Variants in SFXN3 observed in about 807,000 individuals in gnomAD.
SFXN3 encodes sideroflexin-3.
Under a neutral mutation model 40.4 loss-of-function variants are expected in SFXN3, and 31 were observed. That is an observed-to-expected ratio of 0.77 (90% confidence interval 0.58 to 1.04). The LOEUF (loss-of-function observed/expected upper bound fraction) is 1.04. Among genes scored for constraint, SFXN3 ranks in the 50% least tolerant of loss-of-function variants. The probability of loss-of-function intolerance (pLI) is 0.00; values close to 1 mark genes in which losing one functional copy is unlikely to be tolerated. For missense variants in SFXN3, 366 were observed against 408.2 expected, an observed-to-expected ratio of 0.90 and a Z score of 0.89; for synonymous variants, 157 against 160.0, an observed-to-expected ratio of 0.98 and a Z score of 0.14.
Position 101,039,685 on chromosome 10 carries a change from G to T in SFXN3, c.*100G>T. The T allele has an allele frequency of 2.6e-6, 3 of 1,138,322 alleles. No individual in the cohort carries two copies. 70.5% of individuals were successfully genotyped at this position (1,138,322 alleles called of 1,614,324 possible). A position where few individuals can be genotyped will look rare whatever the true frequency, so the allele number is the denominator to read the frequency against. On this transcript the variant is annotated 3_prime_UTR_variant, in exon 12 of 12. Coordinates refer to ENST00000393459, the Ensembl canonical transcript of SFXN3. The surrounding 1 kb of genome is among the most constrained non-coding windows in gnomAD (Gnocchi z 4.6). The stretch of plus-strand genomic sequence containing the variant: ...TGGCTATCTGCCTAGCACTGGGCAG[G>T]GGCCTTGGTGGGCAGATGGCAATTG...
chr10:101,035,842 A>T, intron 4 of SFXN3, 161 bp from the exon 5 acceptor site: 1 of 1,119,440 alleles, frequency 8.9e-7, no homozygotes, highest in South Asian at 1.4e-5. Flanking sequence ...GTGTGTTTGT[A>T]TAAATGGGGG....
intron 2 of SFXN3, 59 bp downstream of exon 2, chr10:101,032,541 C>T: frequency 6.7e-7 from 1 of 1,483,884 alleles, no homozygotes; most frequent in African/African-American, 1.4e-5. Context: ...AGAAGGAGGC[C>T]TGCCTTGAAA....
At chr10:101,032,251 TA>T (rs1938284462) in intron 1 of SFXN3, 62 bp from the exon 2 acceptor site, 1 of 509,008 alleles carries the variant, frequency 2.0e-6, no homozygotes, top group Admixed American at 4.1e-5. Flanking sequence ...GGAAGCAGCT[TA>T]GGGCCTGGTC....
In SFXN3 at chr10:101,036,161, G is replaced by A. The variant is rs765253903; in HGVS notation, c.431+60G>A. On this transcript the variant is annotated intron_variant, in intron 5 of 11. Transcript: ENST00000393459. This position sits in a 1 kb window ranked among gnomAD's most constrained non-coding sequence, Gnocchi z 4.2. ...CCATCTGACCCTCTCCTCCCAGCCTGCAGTGCCCTCTCCTTTCTCTCCGGT... is the reference window on the plus strand; with the variant it reads ...CCATCTGACCCTCTCCTCCCAGCCTACAGTGCCCTCTCCTTTCTCTCCGGT... 78 of 1,377,620 alleles carry A rather than the reference G, an allele frequency of 5.7e-5. No individual in the cohort carries two copies. The highest frequency in any genetic ancestry group is 7.9e-5 in the Non-Finnish European group (76 of 968,014). 85.3% of individuals were successfully genotyped at this position (1,377,620 alleles called of 1,614,324 possible).
At chr10:101,037,880 G>A in intron 9 of SFXN3, 2 of 1,041,578 alleles carry the variant, frequency 1.9e-6, no homozygotes, top group Non-Finnish European at 2.3e-6. Flanking sequence ...CCATGCACCA[G>A]GCATGTTTTA....
chr10:101,035,623 G>C, exon 4 of SFXN3: 1 of 1,614,012 alleles, frequency 6.2e-7, no homozygotes, highest in Non-Finnish European at 8.5e-7. Context: ...CAGCCCAGGT[G>C]CCCATGAACA....
chr10:101,038,136 C>G (rs1055433161), intron 9 of SFXN3: 1 of 367,514 alleles, frequency 2.7e-6, no homozygotes, highest in African/African-American at 2.2e-5. Context: ...CCAAATAACG[C>G]AGAGAAGAGT....
rs1373906441 is a variant in SFXN3, at chr10:101,039,260, T to TTGGACTCTGCATCTCTGGAC, written c.869+39_869+58dup. 1.9e-6 allele frequency: 3 copies of TTGGACTCTGCATCTCTGGAC among 1,567,814 alleles called. No homozygotes were observed. The Admixed American group carries it at 5.3e-5, about 28-fold the overall frequency. On this transcript the variant is annotated intron_variant, in intron 11 of 11. Coordinates refer to ENST00000393459, the Ensembl canonical transcript of SFXN3. The surrounding 1 kb of genome is among the most constrained non-coding windows in gnomAD (Gnocchi z 4.6). ...CCTGGGCTGGGTGGGGGACTCTGGA[T>TTGGACTCTGCATCTCTGGAC]TGGACTCTGCATCTCTGGACCAGCT...
rs367973669 is a variant in SFXN3 at position 101,037,058 on chromosome 10, A to G, written c.594-18A>G. The G allele has an allele frequency of 1.2e-6, 2 of 1,612,890 alleles. No individual in the cohort carries two copies. Among genetic ancestry groups the G allele is most frequent in the African/African-American group, 2.7e-5 (2 of 74,814 alleles). ...GATCCGGGGCCTGTGATCTGACCCC[A>G]ACCCCCCTCCCTTGCAGAGAGCTGC... is the stretch of plus-strand genomic sequence containing the variant. On this transcript the variant is annotated intron_variant, in intron 7 of 11. Transcript: ENST00000393459.
chr10:101,039,670 C>A lies in SFXN3; in HGVS notation c.*85C>A. Reference sequence around the variant, plus strand: ...GTCACCCCTACCACTTGGCTATCTGCCTAGCACTGGGCAGGGGCCTTGGTG... The same window carrying A: ...GTCACCCCTACCACTTGGCTATCTGACTAGCACTGGGCAGGGGCCTTGGTG... On this transcript the variant is annotated 3_prime_UTR_variant, in exon 12 of 12. Transcript: ENST00000393459. This position sits in a 1 kb window ranked among gnomAD's most constrained non-coding sequence, Gnocchi z 4.6. 2 of 1,353,068 alleles carry A rather than the reference C, an allele frequency of 1.5e-6. No homozygotes were observed. Among genetic ancestry groups the A allele is most frequent in the Non-Finnish European group, 2.1e-6 (2 of 945,176 alleles). 83.8% of individuals were successfully genotyped at this position (1,353,068 alleles called of 1,614,324 possible). A position where few individuals can be genotyped will look rare whatever the true frequency, so the allele number is the denominator to read the frequency against.
At chr10:101,038,374 A>C in intron 9 of SFXN3, 6 of 1,375,764 alleles carry the variant, frequency 4.4e-6, no homozygotes, top group Non-Finnish European at 5.6e-6. Flanking sequence ...GAGGGAAGAA[A>C]AAAAAGGGCC....
At position 101,039,505 on chromosome 10, in the gene SFXN3, A is replaced by G. The variant is rs145573986; in HGVS notation, c.886A>G (p.Asn296Asp). The G allele has an allele frequency of 6.2e-7, 1 of 1,614,122 alleles. No individual in the cohort carries two copies. Residue 296 changes from asparagine to aspartate, a missense_variant, in exon 12 of 12, where the codon AAC becomes GAC. Transcript: ENST00000393459. This position sits in a 1 kb window ranked among gnomAD's most constrained non-coding sequence, Gnocchi z 4.6. ...CTATTGCAGCTCCATACACATAAGC[A>G]ACCTGGAACCAGAGCTGAGAGCTCA... is the stretch of plus-strand genomic sequence containing the variant.
chr10:101,034,172 C>T (rs1938468370), intron 2 of SFXN3, among the ~76,000 whole-genome samples: 1 of 152,108 alleles, frequency 6.6e-6, no homozygotes, highest in South Asian at 2.1e-4. Context: ...ATATTTCAGA[C>T]TATGCATGGG....
At position 101,039,077 on chromosome 10, in the gene SFXN3, C is replaced by T. The variant is rs755726268; in HGVS notation, c.822-98C>T. ...GGTCCTTTCAGCTTTTATCAATCTC[C>T]ACCCCTAGGGCCTATCTCCAAGGAT... On this transcript the variant is annotated intron_variant, in intron 10 of 11. Coordinates refer to ENST00000393459, the Ensembl canonical transcript of SFXN3. The surrounding 1 kb of genome is among the most constrained non-coding windows in gnomAD (Gnocchi z 4.6). 4.8e-6 allele frequency: 5 copies of T among 1,046,700 alleles called. No individual in the cohort carries two copies. Among genetic ancestry groups the T allele is most frequent in the Non-Finnish European group, 7.3e-6 (5 of 686,586 alleles). 64.8% of individuals were successfully genotyped at this position (1,046,700 alleles called of 1,614,324 possible).
chr10:101,035,915 T>G, intron 4 of SFXN3, 88 bp from the exon 5 acceptor site: 2 of 1,335,578 alleles, frequency 1.5e-6, no homozygotes, highest in Non-Finnish European at 2.2e-6. Flanking sequence ...CTTCTTAGGC[T>G]TGGGGAATAA....
chr10:101,037,324 G>A (rs2134208184), intron 8 of SFXN3, 58 bp from the exon 9 acceptor site: 1 of 1,614,132 alleles, frequency 6.2e-7, no homozygotes, highest in South Asian at 1.1e-5. Flanking sequence ...ACCCTTCACA[G>A]TTCCTGACTT....
chr10:101,031,341 G>T (rs1268867605), exon 1 of SFXN3: 1 of 152,278 alleles, frequency 6.6e-6, no homozygotes, highest in Non-Finnish European at 1.5e-5. Context: ...AGCTCATTCC[G>T]CAAATTTAGG....
Position 101,036,552 on chromosome 10 carries a change from C to T in SFXN3, c.498C>T (p.Ser166=), listed in dbSNP as rs1938613175. The change falls in exon 6 of 12, where the codon TCC becomes TCT. Residue 166 remains serine, a synonymous_variant. Coordinates refer to ENST00000393459, the Ensembl canonical transcript of SFXN3. The surrounding 1 kb of genome is among the most constrained non-coding windows in gnomAD (Gnocchi z 4.2). Reference sequence around the variant, plus strand: ...TGGCCACGGCCCTGGGACTCAAATCCCTCACCAAGGTAAAGGCCCCTCACT... The same window carrying T: ...TGGCCACGGCCCTGGGACTCAAATCTCTCACCAAGGTAAAGGCCCCTCACT... 1.9e-6 allele frequency: 3 copies of T among 1,613,996 alleles called. No homozygotes were observed. The highest frequency in any genetic ancestry group is 2.5e-6 in the Non-Finnish European group (3 of 1,180,002).
In SFXN3 at chr10:101,036,732, C is replaced by G. The variant is rs1938626214; in HGVS notation, c.517C>G (p.Pro173Ala). Residue 173 changes from proline (P) to alanine (A), a missense_variant, in exon 7 of 12, where the codon CCC (proline) becomes GCC (alanine). Physicochemically the swap from Pro to Ala is conservative, Grantham distance 27. Transcript: ENST00000393459. This position sits in a 1 kb window ranked among gnomAD's most constrained non-coding sequence, Gnocchi z 4.2. ...CACCCTTCCTCCCCAGCACCTGCCC[C>G]CCTTGGTCGGCAGATTTGTGCCCTT... 1 of 1,611,158 alleles carries G rather than the reference C, an allele frequency of 6.2e-7. No homozygotes were observed. The highest frequency in any genetic ancestry group is 1.1e-5 in the South Asian group (1 of 90,988).
Sources: allele counts gnomAD v4.1 joint callset (sites outside exome capture counted in the v4.1 genomes callset), GRCh38; gene constraint gnomAD v4.1.1; non-coding constraint Gnocchi (gnomAD v3.1); transcripts MANE v1.5; gene names NCBI Gene and HGNC (gene_info 2026-07-23, HGNC 2026-07-21).